CAMTA1: variants seen among roughly 807,000 people sequenced by gnomAD.
CAMTA1 encodes calmodulin binding transcription activator 1.
In CAMTA1, 27 loss-of-function variants were observed where a neutral mutation model predicts 170.9. The ratio of observed to expected loss-of-function variants is 0.16; its 90% CI spans 0.12 to 0.22. CAMTA1 has a LOEUF of 0.22. CAMTA1 is among the 10% of genes least tolerant of loss of function. CAMTA1 has a pLI of 1.00. For synonymous variants in CAMTA1, 833 were observed against 891.5 expected (o/e 0.93, Z 1.17); for missense variants, 1,619 against 2,217.2 (o/e 0.73, Z 5.42).
chr1:7,531,062 A>C (rs1193168), intron 6 of CAMTA1, among the ~76,000 whole-genome samples: 80,903 of 151,380 alleles, frequency 0.53, 22,845 homozygotes, highest in Middle Eastern at 0.65. Context: ...GGTGATCTGT[A>C]TGCCTCGGCC....
At chr1:7,371,506 C>G (rs906427254) in intron 5 of CAMTA1, among the ~76,000 whole-genome samples, 1 of 150,430 alleles carries the variant, frequency 6.6e-6, no homozygotes, top group Non-Finnish European at 1.5e-5. Flanking sequence ...GTGATCTGCC[C>G]GCCTCGGCCT....
At chr1:7,111,485 G>A (rs897682726) in intron 4 of CAMTA1, among the ~76,000 whole-genome samples, 1 of 152,178 alleles carries the variant, frequency 6.6e-6, no homozygotes, top group African/African-American at 2.4e-5. Flanking sequence ...GGACAGACAG[G>A]CTTGCACCCA....
intron 3 of CAMTA1, among the ~76,000 whole-genome samples, chr1:7,068,570 A>G (rs1421421240): frequency 2.6e-5 from 4 of 152,144 alleles, no homozygotes; most frequent in Non-Finnish European, 4.4e-5. Flanking sequence ...GAGAAAATCC[A>G]TCATGCATCC....
At chr1:7,206,780 T>C (rs1657815794) in intron 4 of CAMTA1, among the ~76,000 whole-genome samples, 1 of 152,226 alleles carries the variant, frequency 6.6e-6, no homozygotes, top group Non-Finnish European at 1.5e-5. Context: ...ACATTAGCTA[T>C]TGTCAATGCT....
Position 7,041,260 on chromosome 1 carries a change from G to A in CAMTA1, c.235-50044G>A, listed in dbSNP as rs1201143536. Among the ~76,000 whole-genome samples the A allele has an allele frequency of 3.3e-5, 5 of 152,334 alleles. No homozygotes were observed. The highest frequency in any genetic ancestry group is 9.6e-5 in the African/African-American group (4 of 41,578). On this transcript the variant is annotated intron_variant, in intron 3 of 22. Coordinates refer to ENST00000303635, the MANE Select transcript of CAMTA1 (RefSeq NM_015215.4). This position sits in a 1 kb window ranked among gnomAD's most constrained non-coding sequence, Gnocchi z 5.1. ...AAGGGTTGCCCTCTGTCCCCTTCTC[G>A]GCTTCCTCTGCAGAGGGGCTCAGAG...
chr1:7,098,480 G>A (rs1389803857), intron 4 of CAMTA1, among the ~76,000 whole-genome samples: 1 of 152,222 alleles, frequency 6.6e-6, no homozygotes, highest in Non-Finnish European at 1.5e-5. Flanking sequence ...CCTGCCCGAG[G>A]ACTTCCTCGC....
At chr1:7,578,195 A>G (rs935046403) in intron 6 of CAMTA1, among the ~76,000 whole-genome samples, 2 of 152,156 alleles carry the variant, frequency 1.3e-5, no homozygotes, top group African/African-American at 4.8e-5. Context: ...ACAGTTTAGG[A>G]AAGTTCACTA....
At chr1:7,684,728 T>C (rs1328559409) in intron 11 of CAMTA1, among the ~76,000 whole-genome samples, 1 of 152,222 alleles carries the variant, frequency 6.6e-6, no homozygotes, top group African/African-American at 2.4e-5. Flanking sequence ...TTACAAAGAC[T>C]CCATTTCCAA....
At chr1:7,155,359 G>A (rs1009187872) in intron 4 of CAMTA1, among the ~76,000 whole-genome samples, 25 of 147,472 alleles carry the variant, frequency 1.7e-4, no homozygotes, top group Admixed American at 6.1e-4. Context: ...GAGGGAGGTC[G>A]AGATCCCAGC....
intron 3 of CAMTA1, among the ~76,000 whole-genome samples, chr1:6,899,655 A>G (rs1428168115): frequency 6.6e-6 from 1 of 152,158 alleles, no homozygotes; most frequent in Non-Finnish European, 1.5e-5. Context: ...TAACACTAGC[A>G]TGATAAATAA....
intron 4 of CAMTA1, among the ~76,000 whole-genome samples, chr1:7,181,468 A>T (rs1266610168): frequency 6.6e-6 from 1 of 152,210 alleles, no homozygotes; most frequent in Non-Finnish European, 1.5e-5. Flanking sequence ...ACATGATATG[A>T]TAGTATACTG....
chr1:6,866,565 G>A (rs1460486641), intron 3 of CAMTA1, among the ~76,000 whole-genome samples: 1 of 152,188 alleles, frequency 6.6e-6, no homozygotes, highest in Non-Finnish European at 1.5e-5. Flanking sequence ...TCCCTAGTGG[G>A]TAGTGGGGTA....
chr1:6,989,700 G>A (rs1183754916), intron 3 of CAMTA1, among the ~76,000 whole-genome samples: 2 of 152,162 alleles, frequency 1.3e-5, no homozygotes, highest in Non-Finnish European at 2.9e-5. Context: ...ATGCTGGCAT[G>A]GGGGTGCTAC....
At chr1:7,337,543 C>CCTCATCCAGTCACAG (rs1472835929) in intron 5 of CAMTA1, among the ~76,000 whole-genome samples, 1 of 131,780 alleles carries the variant, frequency 7.6e-6, no homozygotes, top group African/African-American at 3.1e-5. Context: ...GGGCCGTGGG[C>CCTCATCCAGTCACAG]TGCATCCAAT....
Position 7,732,632 on chromosome 1 carries a change from T to G in CAMTA1, c.3066+33T>G, listed in dbSNP as rs2096742407. 5 of 1,539,596 alleles carry G rather than the reference T, an allele frequency of 3.2e-6. No individual in the cohort carries two copies. Among genetic ancestry groups the G allele is most frequent in the Non-Finnish European group, 4.4e-6 (5 of 1,141,878 alleles). ...GCGGTGCTGATGCTCAGCTCCCATT[T>G]CGCTTCATGTTTATGGATTGGCGAG... On this transcript the variant is annotated intron_variant, in intron 12 of 22. Transcript: ENST00000303635. This position sits in a 1 kb window ranked among gnomAD's most constrained non-coding sequence, Gnocchi z 4.1.
chr1:6,829,743 G>T (rs1200603586), intron 3 of CAMTA1, among the ~76,000 whole-genome samples: 1 of 152,214 alleles, frequency 6.6e-6, no homozygotes, highest in East Asian at 1.9e-4. Context: ...GAGTTCAGCC[G>T]CTGCAGCCCG....
rs118012505 is a variant in CAMTA1, at chr1:7,532,378, C to T, written c.510+64477C>T. Among the ~76,000 whole-genome samples, 16 of 152,236 alleles carry T rather than the reference C, an allele frequency of 1.1e-4. No individual in the cohort carries two copies. The highest frequency in any genetic ancestry group is 3.1e-4 in the African/African-American group (13 of 41,532). The stretch of plus-strand genomic sequence containing the variant: ...GTGCAGTGGTATAGTCACAGCACAC[C>T]GCAGCCTCCTGGGCTCAAGTGATCC... On this transcript the variant is annotated intron_variant, in intron 6 of 22. Coordinates refer to ENST00000303635, the MANE Select transcript of CAMTA1 (RefSeq NM_015215.4). This position sits in a 1 kb window ranked among gnomAD's most constrained non-coding sequence, Gnocchi z 4.2.
chr1:6,894,280 AG>A (rs1189989110), intron 3 of CAMTA1, among the ~76,000 whole-genome samples: 1 of 152,218 alleles, frequency 6.6e-6, no homozygotes, highest in Non-Finnish European at 1.5e-5. Flanking sequence ...GTTTGTTTTA[AG>A]GATGATGCCA....
In CAMTA1 at chr1:7,535,600, C is replaced by T. The variant is rs144822862; in HGVS notation, c.510+67699C>T. ...ACTTTCTTGGGTGCAGGACTGGAGA[C>T]GAGTGGCCACTTGCAAGCTGGAGAA... On this transcript the variant is annotated intron_variant, in intron 6 of 22. Transcript: ENST00000303635. Among the ~76,000 whole-genome samples, 65 of 152,246 alleles carry T rather than the reference C, an allele frequency of 4.3e-4. No homozygotes were observed. In the East Asian group the frequency reaches 4.6e-3, roughly 11 times the overall value.
Sources: gnomAD v4.1 joint callset for allele counts (sites outside exome capture counted in the v4.1 genomes callset) on GRCh38, gnomAD v4.1.1 for gene constraint, Gnocchi (gnomAD v3.1) non-coding constraint, MANE v1.5 for transcripts, NCBI Gene and HGNC (gene_info 2026-07-23, HGNC 2026-07-21) for gene names.